The following CD8B variants were observed in gnomAD, a reference collection of about 807,000 sequenced individuals.
CD8B encodes the protein CD8 subunit beta, also known as T-cell surface glycoprotein CD8 beta chain.
CD8B carries 6 observed loss-of-function variants against 24.2 expected under a neutral mutation model. The observed-to-expected ratio is 0.25, with a 90% CI of 0.14 to 0.49. The LOEUF is 0.49. Among genes scored for constraint, CD8B ranks in the 20% least tolerant of loss-of-function variants. CD8B has a pLI of 0.98. For synonymous variants in CD8B, 84 were observed against 108.3 expected (o/e 0.78, Z 1.39); for missense variants, 196 against 271.3 (o/e 0.72, Z 1.95).
chr2:86,826,616 G>A (rs750201487), intron 5 of CD8B, among the ~76,000 whole-genome samples: 9 of 152,102 alleles, frequency 5.9e-5, no homozygotes, highest in African/African-American at 1.4e-4. Context: ...TTACTGTGCC[G>A]CTGCTGGGTG....
intron 5 of CD8B, among the ~76,000 whole-genome samples, chr2:86,816,247 C>G (rs1461199771): frequency 6.6e-6 from 1 of 152,164 alleles, no homozygotes; most frequent in African/African-American, 2.4e-5. Flanking sequence ...CTATTGTCAT[C>G]ACAGGTTGGA....
At position 86,839,319 on chromosome 2, in the gene CD8B, T is replaced by G. The variant is rs1319580861; in HGVS notation, c.*2988A>C. ...CCCTTTTGATGGACATTTGGATTATTTCCCATTTTTAGCTAGTAAGCAACA... is the reference window on the plus strand; with the variant it reads ...CCCTTTTGATGGACATTTGGATTATGTCCCATTTTTAGCTAGTAAGCAACA... On this transcript the variant is annotated 3_prime_UTR_variant, in exon 6 of 6. Coordinates refer to ENST00000390655, the MANE Select transcript of CD8B (RefSeq NM_004931.5). Among the ~76,000 whole-genome samples the G allele has an allele frequency of 6.6e-6, 1 of 152,246 alleles. No homozygotes were observed. The highest frequency in any genetic ancestry group is 1.5e-5 in the Non-Finnish European group (1 of 68,046).
At chr2:86,831,181 T>C (rs1486381805) in intron 5 of CD8B, among the ~76,000 whole-genome samples, 1 of 152,194 alleles carries the variant, frequency 6.6e-6, no homozygotes, top group Non-Finnish European at 1.5e-5. Flanking sequence ...GAGATTCTCC[T>C]GCCTCAGACT....
chr2:86,846,927 A>ATTTTTTTTTT (rs60980294), intron 3 of CD8B, among the ~76,000 whole-genome samples, 154 bp from the exon 4 acceptor site: 1 of 58,858 alleles, frequency 1.7e-5, no homozygotes, highest in Non-Finnish European at 3.2e-5. Flanking sequence ...TTCCTCAAGT[A>ATTTTTTTTTT]TTTTTTTTTT....
In CD8B at chr2:86,858,343, C is replaced by G; in HGVS notation, c.117G>C (p.Leu39=). 4 of 1,613,898 alleles carry G rather than the reference C, an allele frequency of 2.5e-6. No homozygotes were observed. The highest frequency in any genetic ancestry group is 3.4e-6 in the Non-Finnish European group (4 of 1,179,830). Residue 39 remains leucine, a synonymous_variant, in exon 2 of 6, where the codon CTG becomes CTC. Coordinates refer to ENST00000390655, the MANE Select transcript of CD8B (RefSeq NM_004931.5). ...IKVQTNKMVM[L]SCEAKISLSN... ...TGAGGGAGATTTTAGCCTCGCAGGA[C>G]AGCATCACCATCTTGTTGGTTTGCA...
chr2:86,837,690 A>C (rs1675232574), downstream of CD8B, among the ~76,000 whole-genome samples: 2 of 108,300 alleles, frequency 1.8e-5, no homozygotes, highest in East Asian at 3.1e-4. Flanking sequence ...GGGGGTGGGG[A>C]TGAGTAAGGA....
Position 86,853,062 on chromosome 2 carries a change from T to C in CD8B, c.428A>G (p.Gln143Arg). 1 of 1,543,720 alleles carries C rather than the reference T, an allele frequency of 6.5e-7. No homozygotes were observed. The highest frequency in any genetic ancestry group is 1.2e-5 in the South Asian group (1 of 83,536). Residue 143 changes from glutamine to arginine, a missense_variant, in exon 3 of 6, where the codon CAG (glutamine) becomes CGG (arginine). By Grantham distance (43) the Gln-to-Arg change is conservative. Transcript: ENST00000390655. ...CTTGAGGGTGGACTTCTTGGTGGGC[T>C]GGGCAGTGGTGGGAAGGAAATCAAC... ...SVVDFLPTTA[Q>R]PTKKSTLKKR... is the part of the protein sequence containing the mutation.
At chr2:86,817,008 G>GT (rs1162373888) in intron 5 of CD8B, among the ~76,000 whole-genome samples, 94 of 152,282 alleles carry the variant, frequency 6.2e-4, no homozygotes, top group African/African-American at 2.2e-3. Context: ...GTTAAAGACA[G>GT]CAGAATTAAA....
At chr2:86,837,964 C>T (rs1345677359), downstream of CD8B, among the ~76,000 whole-genome samples, 3 of 152,226 alleles carry the variant, frequency 2.0e-5, no homozygotes, top group East Asian at 3.8e-4. Flanking sequence ...CCCATGTGAA[C>T]TTCCAGACAA....
chr2:86,849,743 G>A (rs368875034), intron 3 of CD8B, among the ~76,000 whole-genome samples: 4 of 138,400 alleles, frequency 2.9e-5, no homozygotes, highest in Non-Finnish European at 3.0e-5. Flanking sequence ...TTGCTCTGTC[G>A]CCCAGGCTGG....
downstream of CD8B, among the ~76,000 whole-genome samples, chr2:86,834,935 C>CAAAAA (rs59354571): frequency 6.4e-5 from 6 of 93,918 alleles, no homozygotes; most frequent in Non-Finnish European, 8.3e-5. Context: ...AACTCTGTCT[C>CAAAAA]AAAAAAAAAA....
At chr2:86,846,292 CT>C in intron 4 of CD8B, among the ~76,000 whole-genome samples, 1 of 152,266 alleles carries the variant, frequency 6.6e-6, no homozygotes, top group Non-Finnish European at 1.5e-5. Flanking sequence ...GGACACTGGG[CT>C]TTGGTCTCAA....
At chr2:86,817,964 C>T (rs1346479618) in intron 5 of CD8B, among the ~76,000 whole-genome samples, 1 of 152,128 alleles carries the variant, frequency 6.6e-6, no homozygotes, top group East Asian at 1.9e-4. Context: ...AATCCCAGCA[C>T]TTTGGGAGGC....
At chr2:86,833,020 T>C in intron 5 of CD8B, 1 of 374,284 alleles carries the variant, frequency 2.7e-6, no homozygotes, top group South Asian at 1.9e-5. Flanking sequence ...TCTCCCTCTT[T>C]CCCCTCCACC....
chr2:86,852,706 T>A (rs1676035161), intron 3 of CD8B, among the ~76,000 whole-genome samples: 1 of 152,200 alleles, frequency 6.6e-6, no homozygotes, highest in South Asian at 2.1e-4. Flanking sequence ...GATGTTTGGG[T>A]AGTTTCTGCT....
rs1006546302 is a variant in CD8B at position 86,840,189 on chromosome 2, G to T, written c.*2118C>A. On this transcript the variant is annotated 3_prime_UTR_variant, in exon 6 of 6. Coordinates refer to ENST00000390655, the MANE Select transcript of CD8B (RefSeq NM_004931.5). Reference sequence around the variant, plus strand: ...GAAAACACCTGGGTCTGGGGGCAGGGCATCTAAGGCCAATTCGTGCTGAAT... The same window carrying T: ...GAAAACACCTGGGTCTGGGGGCAGGTCATCTAAGGCCAATTCGTGCTGAAT... Among the ~76,000 whole-genome samples, 1 of 151,994 alleles carries T rather than the reference G, an allele frequency of 6.6e-6. No homozygotes were observed. Among genetic ancestry groups the T allele is most frequent in the Non-Finnish European group, 1.5e-5 (1 of 67,982 alleles).
chr2:86,822,199 G>A, intron 5 of CD8B: 2 of 588,032 alleles, frequency 3.4e-6, no homozygotes, highest in Non-Finnish European at 3.0e-6. Context: ...AATTATATCA[G>A]TGCTGAAAAT....
At chr2:86,828,551 A>C (rs1298867868) in intron 5 of CD8B, among the ~76,000 whole-genome samples, 2 of 152,274 alleles carry the variant, frequency 1.3e-5, no homozygotes, top group Admixed American at 1.3e-4. Flanking sequence ...GCCACTGAGA[A>C]GTGAAACCCT....
At chr2:86,850,107 G>A (rs1379313907) in intron 3 of CD8B, among the ~76,000 whole-genome samples, 1 of 152,104 alleles carries the variant, frequency 6.6e-6, no homozygotes, top group Non-Finnish European at 1.5e-5. Context: ...AGACCACTGT[G>A]GAGGCCAGCA....
Sources: gnomAD v4.1 joint callset for allele counts (sites outside exome capture counted in the v4.1 genomes callset) on GRCh38, gnomAD v4.1.1 for gene constraint, MANE v1.5 for transcripts, NCBI Gene and HGNC (gene_info 2026-07-23, HGNC 2026-07-21) for gene names.